The following RSU1 variants were observed in gnomAD, a reference collection of about 807,000 sequenced individuals.
RSU1 encodes the protein Ras suppressor protein 1.
RSU1 carries 26 observed loss-of-function variants against 31.1 expected under a neutral mutation model. That is an observed-to-expected ratio of 0.84 (90% CI 0.61 to 1.16). The LOEUF (loss-of-function observed/expected upper bound fraction) is 1.16. Among genes scored for constraint, RSU1 ranks in the 50% most tolerant of loss-of-function variants. The pLI, the probability that RSU1 is intolerant of heterozygous loss-of-function variation, is 0.00. For synonymous variants in RSU1, 164 were observed against 136.3 expected (o/e 1.20, Z -1.41); for missense variants, 320 against 339.1 (o/e 0.94, Z 0.44).
chr10:16,652,329 G>C (rs1192375558), intron 8 of RSU1, among the ~76,000 whole-genome samples: 1 of 135,910 alleles, frequency 7.4e-6, no homozygotes, highest in Non-Finnish European at 1.5e-5. Flanking sequence ...GATTGAGAAA[G>C]ACTGTAGCTC....
At chr10:16,720,899 T>C (rs975269368) in intron 7 of RSU1, among the ~76,000 whole-genome samples, 4 of 152,062 alleles carry the variant, frequency 2.6e-5, no homozygotes, top group African/African-American at 9.7e-5. Flanking sequence ...GGTGGGAGGA[T>C]CACCTGAGCC....
chr10:16,695,757 C>T (rs889376403), intron 7 of RSU1, among the ~76,000 whole-genome samples: 1 of 152,114 alleles, frequency 6.6e-6, no homozygotes, highest in African/African-American at 2.4e-5. Flanking sequence ...AGGTCAGATA[C>T]TAATATTACT....
At chr10:16,646,837 A>G (rs553310565) in intron 8 of RSU1, among the ~76,000 whole-genome samples, 8 of 152,380 alleles carry the variant, frequency 5.3e-5, no homozygotes, top group African/African-American at 1.9e-4. Flanking sequence ...ACGAGACATC[A>G]CACTGGTGTG....
chr10:16,599,481 T>C (rs1056074836), intron 8 of RSU1, among the ~76,000 whole-genome samples: 25 of 152,190 alleles, frequency 1.6e-4, no homozygotes, highest in Admixed American at 1.6e-3. Context: ...CAGGGATTCC[T>C]GGAGAACAGT....
chr10:16,624,078 C>A (rs1834116135), intron 8 of RSU1, among the ~76,000 whole-genome samples: 2 of 152,028 alleles, frequency 1.3e-5, no homozygotes, highest in Admixed American at 1.3e-4. Context: ...AGGTATTGTT[C>A]TAGGTACAAT....
intron 2 of RSU1, among the ~76,000 whole-genome samples, chr10:16,798,581 G>C (rs992784991): frequency 1.3e-5 from 2 of 152,140 alleles, no homozygotes; most frequent in Non-Finnish European, 2.9e-5. Context: ...CGCCATGATT[G>C]TAAGTTTCCT....
At chr10:16,788,693 C>G (rs1169153992) in intron 2 of RSU1, among the ~76,000 whole-genome samples, 1 of 152,222 alleles carries the variant, frequency 6.6e-6, no homozygotes, top group Non-Finnish European at 1.5e-5. Context: ...ACAGCCTGAG[C>G]TCAGCCATCA....
At chr10:16,763,987 C>T (rs1837259978) in intron 4 of RSU1, among the ~76,000 whole-genome samples, 2 of 152,160 alleles carry the variant, frequency 1.3e-5, no homozygotes. Flanking sequence ...AAATATTCTT[C>T]CCTCCACGGC....
At chr10:16,625,828 CA>C (rs1834148616) in intron 8 of RSU1, among the ~76,000 whole-genome samples, 1 of 152,168 alleles carries the variant, frequency 6.6e-6, no homozygotes, top group Admixed American at 6.5e-5. Context: ...GAAGTCAACA[CA>C]AGATTGAAAT....
In RSU1 at chr10:16,788,278, T is replaced by C. The variant is rs149806265; in HGVS notation, c.110-6194A>G. The stretch of plus-strand genomic sequence containing the variant: ...TTTCCCGTTACCAAGCCATCCCCTA[T>C]GCATGGCTCCCACCTTGCTAGGGAC... On this transcript the variant is annotated intron_variant, in intron 2 of 8. Transcript: ENST00000345264. 1.8e-4 allele frequency among the ~76,000 whole-genome samples: 28 copies of C among 152,316 alleles called. No homozygotes were observed. In the East Asian group the frequency reaches 5.4e-3, roughly 29 times the overall value.
chr10:16,733,906 A>G (rs1836572815), intron 7 of RSU1, among the ~76,000 whole-genome samples: 1 of 152,200 alleles, frequency 6.6e-6, no homozygotes, highest in Non-Finnish European at 1.5e-5. Context: ...TACAGCTGGC[A>G]AAGTCTTTTA....
At chr10:16,726,291 CAG>C (rs920044583) in intron 7 of RSU1, among the ~76,000 whole-genome samples, 1 of 129,496 alleles carries the variant, frequency 7.7e-6, no homozygotes, top group Non-Finnish European at 1.5e-5. Flanking sequence ...TTTTTTGAGA[CAG>C]AGTCTTGCTC....
At chr10:16,729,350 C>G (rs1360198900) in intron 7 of RSU1, among the ~76,000 whole-genome samples, 1 of 152,176 alleles carries the variant, frequency 6.6e-6, no homozygotes, top group African/African-American at 2.4e-5. Context: ...TTCTATTCAC[C>G]TCCCTGTGAG....
intron 3 of RSU1, among the ~76,000 whole-genome samples, chr10:16,769,624 GA>G (rs1837382805): frequency 6.6e-6 from 1 of 152,228 alleles, no homozygotes; most frequent in African/African-American, 2.4e-5. Flanking sequence ...CTGAGACTCT[GA>G]ATTTCCAACA....
intron 2 of RSU1, among the ~76,000 whole-genome samples, chr10:16,789,018 G>A (rs61844017): frequency 0.056 from 8,548 of 152,040 alleles, 283 homozygotes; most frequent in East Asian, 0.14. Flanking sequence ...TAATTTCTCC[G>A]AAAATAGCAC....
chr10:16,809,997 G>T (rs575894615), intron 2 of RSU1, among the ~76,000 whole-genome samples: 34 of 150,648 alleles, frequency 2.3e-4, no homozygotes, highest in Non-Finnish European at 4.3e-4. Flanking sequence ...GGGGGTGGGG[G>T]GGGGAGGTGA....
intron 8 of RSU1, among the ~76,000 whole-genome samples, chr10:16,644,745 G>A (rs752743280): frequency 2.6e-5 from 4 of 152,340 alleles, no homozygotes; most frequent in East Asian, 1.9e-4. Context: ...TTCATAGCAG[G>A]AGGAAGTAAG....
chr10:16,612,322 CCAA>C (rs1426656300), intron 8 of RSU1, among the ~76,000 whole-genome samples: 2 of 152,184 alleles, frequency 1.3e-5, no homozygotes, highest in Non-Finnish European at 2.9e-5. Flanking sequence ...TATGAAACTA[CCAA>C]CAAGTTTAGT....
intron 8 of RSU1, among the ~76,000 whole-genome samples, chr10:16,679,106 T>G (rs1196688494): frequency 6.6e-6 from 1 of 152,188 alleles, no homozygotes; most frequent in Non-Finnish European, 1.5e-5. Context: ...AGAACACATT[T>G]TAATGTTTCC....
Sources: gnomAD v4.1 joint callset for allele counts (sites outside exome capture counted in the v4.1 genomes callset) on GRCh38, gnomAD v4.1.1 for gene constraint, MANE v1.5 for transcripts, NCBI Gene and HGNC (gene_info 2026-07-23, HGNC 2026-07-21) for gene names.